The following DTNB variants were observed in gnomAD, a reference collection of about 807,000 sequenced individuals.
DTNB encodes dystrobrevin beta.
A neutral mutation model predicts 90.7 loss-of-function variants in DTNB; 63 were observed. That is an observed-to-expected ratio of 0.69 (90% CI 0.57 to 0.86). The LOEUF (loss-of-function observed/expected upper bound fraction) is 0.86, where lower values mean the gene tolerates loss of function less well. DTNB is among the 40% of genes least tolerant of loss of function. The probability of loss-of-function intolerance (pLI) is 0.00; values close to 1 mark genes in which losing one functional copy is unlikely to be tolerated. For missense variants in DTNB, 744 were observed against 807.1 expected, an observed-to-expected ratio of 0.92 and a Z score of 0.95; for synonymous variants, 277 against 286.7, an observed-to-expected ratio of 0.97 and a Z score of 0.34.
chr2:25,589,419 C>A (rs1456561050), intron 6 of DTNB, among the ~76,000 whole-genome samples: 1 of 111,248 alleles, frequency 9.0e-6, no homozygotes, highest in East Asian at 3.1e-4. Flanking sequence ...CTCACTCTGT[C>A]GCCCAGGCTG....
At chr2:25,657,417 T>A (rs552707120) in intron 1 of DTNB, among the ~76,000 whole-genome samples, 28 of 152,224 alleles carry the variant, frequency 1.8e-4, no homozygotes, top group Middle Eastern at 3.4e-3. Flanking sequence ...AGTACTTGTA[T>A]ACAAATTATA....
intron 19 of DTNB, among the ~76,000 whole-genome samples, chr2:25,380,693 G>A (rs1266489725): frequency 6.6e-6 from 1 of 152,276 alleles, no homozygotes; most frequent in Admixed American, 6.5e-5. Context: ...GGGGCCTGGA[G>A]TGCCGGGAAA....
rs1482988329 is a variant in DTNB, at chr2:25,651,046, G to T, written c.67+1548C>A. 2.0e-5 allele frequency among the ~76,000 whole-genome samples: 3 copies of T among 152,276 alleles called. No homozygotes were observed. The East Asian group carries it at 5.8e-4, about 29-fold the overall frequency. The stretch of plus-strand genomic sequence containing the variant: ...GATCATAGACAGCAGATTTGAGAGG[G>T]TCAAGACTGGAAGAAGGGATCAGGA... On this transcript the variant is annotated intron_variant, in intron 2 of 20. Transcript: ENST00000406818.
At chr2:25,624,553 T>C (rs1446761684) in intron 4 of DTNB, among the ~76,000 whole-genome samples, 1 of 152,216 alleles carries the variant, frequency 6.6e-6, no homozygotes, top group Non-Finnish European at 1.5e-5. Flanking sequence ...GGCCTGCCTC[T>C]GGACCCCTCA....
chr2:25,554,763 A>C (rs192582917), intron 8 of DTNB, among the ~76,000 whole-genome samples: 1 of 152,358 alleles, frequency 6.6e-6, no homozygotes, highest in East Asian at 1.9e-4. Context: ...CAGGTTAAAA[A>C]AGGAAACTGT....
At chr2:25,386,078 G>A (rs77707502) in intron 18 of DTNB, 101,374 of 985,398 alleles carry the variant, frequency 0.1, 5,641 homozygotes, top group Non-Finnish European at 0.12. Flanking sequence ...TGTACAGAGC[G>A]GGGCCGTGCT....
In DTNB at chr2:25,483,057, G is replaced by C. The variant is rs187631531; in HGVS notation, c.1002-184C>G. On this transcript the variant is annotated intron_variant, in intron 9 of 20. Coordinates refer to ENST00000406818, the MANE Select transcript of DTNB (RefSeq NM_021907.5). ...CATGGGGAGGTGGGGACCCATGGAG[G>C]GGGGGAACCCTTGGGGAGGGGGGTA... Among the ~76,000 whole-genome samples the C allele has an allele frequency of 2.2e-4, 33 of 151,864 alleles. No homozygotes were observed. In the East Asian group the frequency reaches 2.7e-3, roughly 13 times the overall value.
chr2:25,475,756 C>T (rs200397989), intron 10 of DTNB, among the ~76,000 whole-genome samples: 20 of 152,308 alleles, frequency 1.3e-4, no homozygotes, highest in Non-Finnish European at 2.6e-4. Flanking sequence ...GAAGCCAATG[C>T]TCATTTACCA....
intron 5 of DTNB, among the ~76,000 whole-genome samples, chr2:25,603,096 C>T: frequency 6.6e-6 from 1 of 152,096 alleles, no homozygotes; most frequent in Non-Finnish European, 1.5e-5. Context: ...ATAGTAGCAC[C>T]AGCTTTTTAA....
At chr2:25,630,035 A>T (rs368516117) in intron 3 of DTNB, among the ~76,000 whole-genome samples, 1 of 152,242 alleles carries the variant, frequency 6.6e-6, no homozygotes, top group Non-Finnish European at 1.5e-5. Context: ...TTACAATTCA[A>T]CAATTAAAAA....
At chr2:25,547,285 T>A (rs2082634421) in intron 8 of DTNB, among the ~76,000 whole-genome samples, 1 of 151,584 alleles carries the variant, frequency 6.6e-6, no homozygotes, top group Non-Finnish European at 1.5e-5. Context: ...TTTTTTTTAA[T>A]CTACCACTAA....
intron 16 of DTNB, among the ~76,000 whole-genome samples, chr2:25,403,533 T>C (rs562623170): frequency 1.1e-3 from 172 of 152,280 alleles, no homozygotes; most frequent in African/African-American, 3.9e-3. Flanking sequence ...TCAGATAGCA[T>C]ACTAGAAACA....
chr2:25,529,950 A>G (rs1448734970), intron 9 of DTNB, among the ~76,000 whole-genome samples: 1 of 152,218 alleles, frequency 6.6e-6, no homozygotes, highest in African/African-American at 2.4e-5. Flanking sequence ...AAGTAGACAG[A>G]AGGTGCTAAT....
chr2:25,650,466 G>A (rs1457002271), intron 2 of DTNB, among the ~76,000 whole-genome samples: 1 of 152,206 alleles, frequency 6.6e-6, no homozygotes, highest in Non-Finnish European at 1.5e-5. Flanking sequence ...TGCAAAGGCG[G>A]AAAGGCATGA....
At chr2:25,595,819 T>TGTACAG (rs1263979740) in intron 6 of DTNB, among the ~76,000 whole-genome samples, 3 of 152,150 alleles carry the variant, frequency 2.0e-5, no homozygotes, top group Non-Finnish European at 4.4e-5. Context: ...GTAGCAAAAA[T>TGTACAG]GTACACACTT....
At chr2:25,488,306 C>A (rs187054418) in intron 9 of DTNB, among the ~76,000 whole-genome samples, 1 of 151,916 alleles carries the variant, frequency 6.6e-6, no homozygotes, top group South Asian at 2.1e-4. Flanking sequence ...TGATTAAGTA[C>A]GCAGGGTTAG....
chr2:25,410,501 A>G (rs2046325906), intron 16 of DTNB, among the ~76,000 whole-genome samples: 1 of 152,180 alleles, frequency 6.6e-6, no homozygotes, highest in South Asian at 2.1e-4. Flanking sequence ...ATGCAAGAGT[A>G]AGTTCCTGAA....
intron 1 of DTNB, among the ~76,000 whole-genome samples, chr2:25,658,457 A>C (rs2082506439): frequency 6.6e-6 from 1 of 152,212 alleles, no homozygotes; most frequent in African/African-American, 2.4e-5. Flanking sequence ...ATGTCCACAC[A>C]AAACCTGCAC....
At chr2:25,476,395 G>A (rs1482209761) in intron 10 of DTNB, among the ~76,000 whole-genome samples, 1 of 152,142 alleles carries the variant, frequency 6.6e-6, no homozygotes, top group Non-Finnish European at 1.5e-5. Flanking sequence ...GTCTTATTAT[G>A]TAAGAAATAC....
Sources: allele counts gnomAD v4.1 joint callset (sites outside exome capture counted in the v4.1 genomes callset), GRCh38; gene constraint gnomAD v4.1.1; transcripts MANE v1.5; gene names NCBI Gene and HGNC (gene_info 2026-07-23, HGNC 2026-07-21).